The following DIAPH2 variants were observed in gnomAD, a reference collection of about 807,000 sequenced individuals.
DIAPH2 encodes the protein protein diaphanous homolog 2.
DIAPH2 carries 35 observed loss-of-function variants against 92.7 expected under a neutral mutation model. The ratio of observed to expected loss-of-function variants is 0.38; its 90% CI spans 0.29 to 0.50. The LOEUF (loss-of-function observed/expected upper bound fraction) is 0.50. Ranked by LOEUF, DIAPH2 falls within the 20% of genes least tolerant of loss-of-function variation. DIAPH2 has a pLI of 0.94. For synonymous variants in DIAPH2, 301 were observed against 280.4 expected (o/e 1.07, Z -0.73); for missense variants, 701 against 819.5 (o/e 0.86, Z 1.77).
rs1428108730 is a variant in DIAPH2, at chrX:97,129,954, A to G, written c.2590-11711A>G. 2.7e-5 allele frequency among the ~76,000 whole-genome samples: 3 copies of G among 112,409 alleles called. No homozygotes were observed. The Admixed American group carries it at 2.8e-4, about 11-fold the overall frequency. ...GTTCAAAAATGGGTAAACAAATTGA[A>G]TAAATATTTCTCCAGAGAAGATAAA... is the stretch of plus-strand genomic sequence containing the variant. On this transcript the variant is annotated intron_variant, in intron 21 of 26. Coordinates refer to ENST00000324765, the MANE Select transcript of DIAPH2 (RefSeq NM_006729.5).
At chrX:97,176,302 T>C (rs912117970) in intron 22 of DIAPH2, among the ~76,000 whole-genome samples, 8 of 111,907 alleles carry the variant, frequency 7.1e-5, no homozygotes, top group African/African-American at 2.6e-4. Flanking sequence ...CCTCTTTTAT[T>C]ATTATATCTT....
At chrX:96,697,114 G>A (rs1053292173) in intron 1 of DIAPH2, among the ~76,000 whole-genome samples, 2 of 109,904 alleles carry the variant, frequency 1.8e-5, no homozygotes, top group Admixed American at 2.0e-4. Flanking sequence ...CATCCTCAAG[G>A]TTGTTTGCTA....
At chrX:97,471,939 A>G (rs1442207377) in intron 26 of DIAPH2, among the ~76,000 whole-genome samples, 1 of 111,012 alleles carries the variant, frequency 9.0e-6, no homozygotes, top group East Asian at 2.8e-4. Context: ...CAGAATCTGA[A>G]CACCAGTTTG....
At chrX:96,877,676 C>T (rs2065189151) in intron 4 of DIAPH2, among the ~76,000 whole-genome samples, 1 of 112,120 alleles carries the variant, frequency 8.9e-6, no homozygotes, top group Non-Finnish European at 1.9e-5. Context: ...TGATTATCTC[C>T]ACTGCAAACT....
intron 25 of DIAPH2, among the ~76,000 whole-genome samples, chrX:97,394,448 G>A (rs1445022320): frequency 9.0e-6 from 1 of 111,317 alleles, no homozygotes; most frequent in Non-Finnish European, 1.9e-5. Context: ...CCTTAGCAAA[G>A]ATTTCAAGAA....
chrX:97,177,075 T>A (rs2067498388), intron 22 of DIAPH2, among the ~76,000 whole-genome samples: 1 of 111,089 alleles, frequency 9.0e-6, no homozygotes, highest in East Asian at 2.8e-4. Flanking sequence ...CCATCCAATT[T>A]TTTTCCCAAT....
At chrX:97,136,182 T>A (rs1001985128) in intron 21 of DIAPH2, among the ~76,000 whole-genome samples, 5 of 111,361 alleles carry the variant, frequency 4.5e-5, no homozygotes, top group Admixed American at 1.9e-4. Context: ...CACAACAGAG[T>A]AGGAGCCAGA....
intron 22 of DIAPH2, among the ~76,000 whole-genome samples, chrX:97,173,245 T>G (rs1285811830): frequency 9.0e-6 from 1 of 111,112 alleles, no homozygotes; most frequent in African/African-American, 3.3e-5. Context: ...GACAAAAAAT[T>G]AGCCAGCTGT....
chrX:96,688,747 T>C (rs762177462), intron 1 of DIAPH2, among the ~76,000 whole-genome samples: 5 of 112,408 alleles, frequency 4.4e-5, no homozygotes, highest in Non-Finnish European at 7.5e-5. Flanking sequence ...GATACAAAGA[T>C]ACTTGTAGTC....
intron 26 of DIAPH2, among the ~76,000 whole-genome samples, chrX:97,563,461 CT>C (rs1259726358): frequency 4.5e-5 from 5 of 111,517 alleles, no homozygotes; most frequent in Non-Finnish European, 9.4e-5. Flanking sequence ...ATGGAGCTTG[CT>C]TTTTTTAATT....
chrX:96,851,364 A>G (rs923906155), intron 4 of DIAPH2, among the ~76,000 whole-genome samples: 9 of 111,584 alleles, frequency 8.1e-5, no homozygotes, highest in African/African-American at 2.9e-4. Context: ...TGGCCCCCCA[A>G]AGTGCTGGGA....
chrX:97,247,042 A>C (rs2068148247), intron 22 of DIAPH2, among the ~76,000 whole-genome samples: 1 of 112,172 alleles, frequency 8.9e-6, no homozygotes, highest in African/African-American at 3.2e-5. Flanking sequence ...ACAATACATA[A>C]AATTATTAGT....
chrX:97,545,429 A>G (rs897039201), intron 26 of DIAPH2, among the ~76,000 whole-genome samples: 14 of 108,522 alleles, frequency 1.3e-4, no homozygotes, highest in Non-Finnish European at 2.3e-4. Context: ...TGTTTAGTTG[A>G]ATTAAAAATG....
chrX:96,751,158 C>T (rs2064184445), intron 3 of DIAPH2, among the ~76,000 whole-genome samples: 1 of 111,360 alleles, frequency 9.0e-6, no homozygotes, highest in Admixed American at 9.5e-5. Flanking sequence ...ATTCTTATGG[C>T]TTCTCAGTAA....
intron 26 of DIAPH2, among the ~76,000 whole-genome samples, chrX:97,474,407 A>T (rs2070587762): frequency 8.9e-6 from 1 of 112,282 alleles, no homozygotes; most frequent in Non-Finnish European, 1.9e-5. Flanking sequence ...AAAGTGACTT[A>T]TAGTGCCCTT....
chrX:97,069,448 C>T (rs1473576346), intron 17 of DIAPH2, among the ~76,000 whole-genome samples: 1 of 110,562 alleles, frequency 9.0e-6, no homozygotes, highest in East Asian at 2.8e-4. Flanking sequence ...TTTTATGGTA[C>T]CTAAGCTATA....
intron 23 of DIAPH2, among the ~76,000 whole-genome samples, chrX:97,335,835 G>T (rs894736716): frequency 9.0e-6 from 1 of 111,472 alleles, no homozygotes; most frequent in African/African-American, 3.3e-5. Context: ...TATACCTTAA[G>T]CAAAGGAAAT....
At chrX:97,322,903 CTTTTT>C (rs1160046333) in intron 23 of DIAPH2, among the ~76,000 whole-genome samples, 1 of 76,935 alleles carries the variant, frequency 1.3e-5, no homozygotes, top group Admixed American at 1.5e-4. Context: ...TATCCCAGTT[CTTTTT>C]TTTTTTTTTT....
rs368656732 is a variant in DIAPH2, at chrX:97,517,579, A to C, written c.3242-81674A>C. The stretch of plus-strand genomic sequence containing the variant: ...CAAGGAATTTGTGGTGAAATACAAT[A>C]GCATTTTAATAAATTGTTATTAACT... On this transcript the variant is annotated intron_variant, in intron 26 of 26. Transcript: ENST00000324765. Among the ~76,000 whole-genome samples the C allele has an allele frequency of 4.4e-5, 5 of 112,390 alleles. No individual in the cohort carries two copies. In the East Asian group the frequency reaches 1.4e-3, roughly 31 times the overall value.
Sources: allele counts gnomAD v4.1 joint callset (sites outside exome capture counted in the v4.1 genomes callset), GRCh38; gene constraint gnomAD v4.1.1; transcripts MANE v1.5; gene names NCBI Gene and HGNC (gene_info 2026-07-23, HGNC 2026-07-21).